Variants in CSNK2A2 observed in about 807,000 individuals in gnomAD.
The protein encoded by CSNK2A2 is casein kinase 2 alpha 2.
CSNK2A2 carries 8 observed loss-of-function variants against 54.0 expected under a neutral mutation model. The observed-to-expected ratio is 0.15, with a 90% CI of 0.09 to 0.27. The LOEUF (loss-of-function observed/expected upper bound fraction) is 0.27, where lower values mean the gene tolerates loss of function less well. Ranked by LOEUF, CSNK2A2 falls within the 10% of genes least tolerant of loss-of-function variation. CSNK2A2 has a pLI of 1.00. For synonymous variants in CSNK2A2, 141 were observed against 153.9 expected, an observed-to-expected ratio of 0.92 and a Z score of 0.62; for missense variants, 242 against 439.4, an observed-to-expected ratio of 0.55 and a Z score of 4.02.
rs1389880598 is a variant in CSNK2A2 at position 58,184,270 on chromosome 16, G to C, written c.359C>G (p.Thr120Arg). ...GAAAAGCATACGCACCTTAAAATCT[G>C]TATTATTGATATATTCAAATACCAA... ...PALVFEYINN[T>R]DFKQLYQILT... The change falls in exon 4 of 12, where the codon ACA becomes AGA. Residue 120 changes from threonine (T) to arginine (R), a missense_variant. Physicochemically the swap from Thr to Arg is moderately conservative, Grantham distance 71 (BLOSUM62 -1). Coordinates refer to ENST00000262506, the MANE Select transcript of CSNK2A2 (RefSeq NM_001896.4). 4 of 1,602,620 alleles carry C rather than the reference G, an allele frequency of 2.5e-6. No homozygotes were observed.
intron 4 of CSNK2A2, among the ~76,000 whole-genome samples, chr16:58,182,945 G>C (rs1962095456): frequency 6.6e-6 from 1 of 152,132 alleles, no homozygotes; most frequent in Admixed American, 6.5e-5. Flanking sequence ...AAGAAAATCT[G>C]TCACATGTGG....
At position 58,168,604 on chromosome 16, in the gene CSNK2A2, T is replaced by C; in HGVS notation, c.513+6A>G. The C allele has an allele frequency of 2.5e-6, 4 of 1,612,546 alleles. No homozygotes were observed. Among genetic ancestry groups the C allele is most frequent in the South Asian group, 1.1e-5 (1 of 90,996 alleles). ...CAAGCTTGTTGCTGCCTGGCTGTAA[T>C]GGTACCTTTTTCTGTTGGTGATCTA... On this transcript the variant is annotated splice_donor_region_variant and intron_variant, in intron 6 of 11. Transcript: ENST00000262506.
intron 4 of CSNK2A2, among the ~76,000 whole-genome samples, chr16:58,175,220 G>C (rs751486790): frequency 2.0e-5 from 3 of 152,136 alleles, no homozygotes; most frequent in Non-Finnish European, 2.9e-5. Context: ...AGACCCACTC[G>C]CTGGGAGTTT....
At chr16:58,192,278 A>G (rs549134797) in intron 2 of CSNK2A2, among the ~76,000 whole-genome samples, 3 of 152,268 alleles carry the variant, frequency 2.0e-5, no homozygotes, top group African/African-American at 7.2e-5. Flanking sequence ...TCTAGAAACT[A>G]TCTGGAGCCC....
chr16:58,178,525 G>A (rs935343921), intron 4 of CSNK2A2, among the ~76,000 whole-genome samples: 7 of 152,076 alleles, frequency 4.6e-5, no homozygotes, highest in African/African-American at 1.7e-4. Flanking sequence ...CAGGTGATCT[G>A]CCTGCTTCGG....
intron 11 of CSNK2A2, chr16:58,159,014 G>A (rs755654072): frequency 2.0e-5 from 3 of 152,186 alleles, no homozygotes; most frequent in Non-Finnish European, 4.4e-5. Context: ...TATGCACCTG[G>A]GAAGCTGTCA....
chr16:58,196,899 T>C, intron 1 of CSNK2A2, 55 bp from the exon 2 acceptor site: 9 of 1,090,274 alleles, frequency 8.3e-6, no homozygotes, highest in Non-Finnish European at 1.0e-5. Flanking sequence ...ACCAAGCCTA[T>C]GCCCACTGTA....
Position 58,164,139 on chromosome 16 carries a change from C to G in CSNK2A2, c.985G>C (p.Val329Leu), listed in dbSNP as rs1351765884. 1.2e-6 allele frequency: 2 copies of G among 1,613,684 alleles called. No individual in the cohort carries two copies. The highest frequency in any genetic ancestry group is 1.7e-6 in the Non-Finnish European group (2 of 1,179,856). Reference protein sequence around the residue: ...AMEHPYFYPVVKEQSQPCADN... With the variant: ...AMEHPYFYPVLKEQSQPCADN... ...GCACAAGGCTGGGACTGCTCCTTCA[C>G]CACAGGGTCTGCAAGAAAGCAGGAG... The change falls in exon 11 of 12, where the codon GTG (valine) becomes CTG (leucine). Residue 329 changes from valine (V) to leucine (L), a missense_variant. By Grantham distance (32) the Val-to-Leu change is conservative. Transcript: ENST00000262506.
At chr16:58,185,353 G>A (rs1002927091) in intron 3 of CSNK2A2, among the ~76,000 whole-genome samples, 1 of 152,202 alleles carries the variant, frequency 6.6e-6, no homozygotes. Context: ...CTCAACGGGA[G>A]AATAGTGGAG....
At chr16:58,182,390 A>AAC (rs1962068885) in intron 4 of CSNK2A2, among the ~76,000 whole-genome samples, 1 of 145,162 alleles carries the variant, frequency 6.9e-6, no homozygotes, top group Non-Finnish European at 1.5e-5. Context: ...AAAAAAAAAA[A>AAC]AAAAAAAAAA....
rs1962493942 is a variant in CSNK2A2 at position 58,197,491 on chromosome 16, G to A, written c.104+142C>T. The A allele has an allele frequency of 2.2e-6, 1 of 464,848 alleles. No individual in the cohort carries two copies. Among genetic ancestry groups the A allele is most frequent in the Non-Finnish European group, 3.9e-6 (1 of 257,400 alleles). 28.8% of individuals were successfully genotyped at this position (464,848 alleles called of 1,614,324 possible). ...GGAGGGAAGAGGAAGACGAGGACAT[G>A]TGCGAGAGCGGGACCTCTGCCTCCC... is the stretch of plus-strand genomic sequence containing the variant. On this transcript the variant is annotated intron_variant, in intron 1 of 11. Coordinates refer to ENST00000262506, the MANE Select transcript of CSNK2A2 (RefSeq NM_001896.4). The surrounding 1 kb of genome is among the most constrained non-coding windows in gnomAD (Gnocchi z 4.0).
At chr16:58,192,203 C>T (rs1370950929) in intron 2 of CSNK2A2, among the ~76,000 whole-genome samples, 2 of 152,146 alleles carry the variant, frequency 1.3e-5, no homozygotes, top group Non-Finnish European at 2.9e-5. Context: ...CTTCTGCCCT[C>T]TCATTTACAG....
intron 2 of CSNK2A2, among the ~76,000 whole-genome samples, chr16:58,189,110 C>G (rs1322405327): frequency 6.6e-6 from 1 of 152,004 alleles, no homozygotes; most frequent in African/African-American, 2.4e-5. Context: ...GTGTGTGCCA[C>G]CACGCCCAGC....
At chr16:58,168,897 T>G (rs1242261610) in intron 5 of CSNK2A2, among the ~76,000 whole-genome samples, 2 of 151,756 alleles carry the variant, frequency 1.3e-5, no homozygotes, top group African/African-American at 4.8e-5. Context: ...AAAGGGGGTA[T>G]GAAGGGAATG....
At chr16:58,196,472 A>G (rs1000022059) in intron 2 of CSNK2A2, among the ~76,000 whole-genome samples, 3 of 152,092 alleles carry the variant, frequency 2.0e-5, no homozygotes, top group Admixed American at 2.0e-4. Flanking sequence ...AAATTTTAAA[A>G]ATAGCTGGGC....
In CSNK2A2 at chr16:58,166,605, T is replaced by C. The variant is rs1251533091; in HGVS notation, c.806A>G (p.His269Arg). 2 of 1,611,480 alleles carry C rather than the reference T, an allele frequency of 1.2e-6. No homozygotes were observed. Among genetic ancestry groups the C allele is most frequent in the Non-Finnish European group, 1.7e-6 (2 of 1,177,604 alleles). Reference sequence around the variant, plus strand: ...TTACTGTCCCAGGATATCGTTGAAGTGTGGATCTAGGTCTATGTGATACTT... The same window carrying C: ...TTACTGTCCCAGGATATCGTTGAAGCGTGGATCTAGGTCTATGTGATACTT... ...LKKYHIDLDPHFNDILGQHSR... is the reference protein window; with the variant it reads ...LKKYHIDLDPRFNDILGQHSR... The change falls in exon 9 of 12, where the codon CAC (histidine) becomes CGC (arginine). Residue 269 changes from histidine to arginine, a missense_variant. This residue lies in a region of CSNK2A2 where 81 missense variants were observed against 135.0 expected (regional missense o/e 0.60). Coordinates refer to ENST00000262506, the MANE Select transcript of CSNK2A2 (RefSeq NM_001896.4).
At position 58,167,332 on chromosome 16, in the gene CSNK2A2, T is replaced by C. The variant is rs371621130; in HGVS notation, c.625-24A>G. 3.9e-6 allele frequency: 6 copies of C among 1,537,106 alleles called. No homozygotes were observed. The African/African-American group carries it at 5.5e-5, about 14-fold the overall frequency. On this transcript the variant is annotated intron_variant, in intron 7 of 11. Transcript: ENST00000262506. ...ATCTGAGGCAATAAGGACAACGCATTAGCCAAGGGTATTAGAAATCCATTT... is the reference window on the plus strand; with the variant it reads ...ATCTGAGGCAATAAGGACAACGCATCAGCCAAGGGTATTAGAAATCCATTT...
intron 5 of CSNK2A2, among the ~76,000 whole-genome samples, chr16:58,171,951 GA>G (rs1203016522): frequency 2.3e-5 from 2 of 86,046 alleles, no homozygotes; most frequent in Non-Finnish European, 4.3e-5. Flanking sequence ...ACTACACCTG[GA>G]GCATGCATAT....
intron 4 of CSNK2A2, among the ~76,000 whole-genome samples, chr16:58,175,977 C>T (rs118162667): frequency 0.011 from 1,747 of 152,250 alleles, 10 homozygotes; most frequent in Non-Finnish European, 0.017. Context: ...AACACACACC[C>T]AAGCTTTTTG....
Sources: allele counts gnomAD v4.1 joint callset (sites outside exome capture counted in the v4.1 genomes callset), GRCh38; gene constraint gnomAD v4.1.1; regional missense constraint gnomAD v4.1.1; non-coding constraint Gnocchi (gnomAD v3.1); transcripts MANE v1.5; gene names NCBI Gene and HGNC (gene_info 2026-07-23, HGNC 2026-07-21).